Variants in TLL1 observed in about 807,000 individuals in gnomAD.
The protein encoded by TLL1 is tolloid-like protein 1.
A neutral mutation model predicts 128.2 loss-of-function variants in TLL1; 49 were observed. That is an observed-to-expected ratio of 0.38 (90% CI 0.30 to 0.48). The LOEUF is 0.48. Ranked by LOEUF, TLL1 falls within the 20% of genes least tolerant of loss-of-function variation. The pLI is 0.96. For missense variants in TLL1, 1,123 were observed against 1,242.0 expected, an observed-to-expected ratio of 0.90 and a Z score of 1.44; for synonymous variants, 454 against 418.8, an observed-to-expected ratio of 1.08 and a Z score of -1.03.
intron 9 of TLL1, among the ~76,000 whole-genome samples, chr4:166,033,063 G>A (rs1024737741): frequency 6.6e-6 from 1 of 152,028 alleles, no homozygotes; most frequent in Admixed American, 6.6e-5. Flanking sequence ...TGTAATATTG[G>A]TAAAGATAGA....
At position 166,100,846 on chromosome 4, in the gene TLL1, A is replaced by C. The variant is rs754525903; in HGVS notation, c.3012A>C (p.Arg1004Ser). ...KGFHIRYKSIRYPDTTHTKK is the reference protein window; with the variant it reads ...KGFHIRYKSISYPDTTHTKK ...TTCATATAAGATACAAAAGCATAAG[A>C]TATCCAGATACCACACATACCAAAA... Residue 1004 changes from arginine (R) to serine (S), a missense_variant, in exon 21 of 21, where the codon AGA (arginine) becomes AGC (serine). Transcript: ENST00000061240. 2 of 1,612,860 alleles carry C rather than the reference A, an allele frequency of 1.2e-6. No individual in the cohort carries two copies. The highest frequency in any genetic ancestry group is 1.7e-6 in the Non-Finnish European group (2 of 1,179,288).
At chr4:166,008,233 A>T (rs571695637) in intron 7 of TLL1, among the ~76,000 whole-genome samples, 185 bp downstream of exon 7, 1 of 151,608 alleles carries the variant, frequency 6.6e-6, no homozygotes, top group African/African-American at 2.4e-5. Flanking sequence ...TTTTAAAAAT[A>T]TATTTTTAAA....
chr4:165,954,647 A>C (rs1734691054), intron 1 of TLL1, among the ~76,000 whole-genome samples: 1 of 152,096 alleles, frequency 6.6e-6, no homozygotes, highest in Non-Finnish European at 1.5e-5. Context: ...CACACATTGC[A>C]TATGAAACCC....
chr4:165,916,317 A>G (rs1475571012), intron 1 of TLL1, among the ~76,000 whole-genome samples: 4 of 152,184 alleles, frequency 2.6e-5, no homozygotes, highest in Admixed American at 2.0e-4. Flanking sequence ...ACACACTAAT[A>G]CAGTATTTTA....
At chr4:165,925,468 G>A (rs74442178) in intron 1 of TLL1, among the ~76,000 whole-genome samples, 3,041 of 152,264 alleles carry the variant, frequency 0.02, 72 homozygotes, top group East Asian at 0.1. Flanking sequence ...ACCTGAAGAT[G>A]TGACTGATTT....
chr4:165,975,764 A>G (rs1735847858), intron 1 of TLL1, among the ~76,000 whole-genome samples: 1 of 152,088 alleles, frequency 6.6e-6, no homozygotes, highest in Non-Finnish European at 1.5e-5. Context: ...ATGACCAGGC[A>G]TGGTGGATCA....
intron 13 of TLL1, among the ~76,000 whole-genome samples, chr4:166,055,561 A>G (rs28494668): frequency 6.6e-6 from 1 of 152,102 alleles, no homozygotes; most frequent in Non-Finnish European, 1.5e-5. Context: ...ATTTGCAATG[A>G]AAATAACCAA....
chr4:166,064,510 T>C (rs1396626497), intron 15 of TLL1, among the ~76,000 whole-genome samples: 1 of 152,108 alleles, frequency 6.6e-6, no homozygotes, highest in Non-Finnish European at 1.5e-5. Context: ...CATATTCTTG[T>C]GTTCTTTAAT....
chr4:165,956,541 T>A (rs1734806911), intron 1 of TLL1, among the ~76,000 whole-genome samples: 1 of 152,080 alleles, frequency 6.6e-6, no homozygotes, highest in Non-Finnish European at 1.5e-5. Flanking sequence ...AAGTGACTTT[T>A]TTTGCCTGAC....
At chr4:165,886,048 A>ATT (rs59665511) in intron 1 of TLL1, among the ~76,000 whole-genome samples, 2 of 151,818 alleles carry the variant, frequency 1.3e-5, no homozygotes, top group South Asian at 2.1e-4. Context: ...CATTTTATGT[A>ATT]TTTTTTTGAT....
chr4:165,905,135 G>C (rs1387037676), intron 1 of TLL1, among the ~76,000 whole-genome samples: 1 of 152,132 alleles, frequency 6.6e-6, no homozygotes, highest in East Asian at 1.9e-4. Context: ...ATACAATTTT[G>C]GAAGACTATT....
intron 1 of TLL1, among the ~76,000 whole-genome samples, chr4:165,963,635 T>C (rs1735227577): frequency 6.6e-6 from 1 of 152,112 alleles, no homozygotes; most frequent in Non-Finnish European, 1.5e-5. Flanking sequence ...AGGAAAGAAA[T>C]ACACAGAATT....
At chr4:166,004,227 T>C (rs112039342) in intron 6 of TLL1, among the ~76,000 whole-genome samples, 2,048 of 152,302 alleles carry the variant, frequency 0.013, 44 homozygotes, top group African/African-American at 0.047. Context: ...AAGATCAGTA[T>C]ATTTCAGTTG....
intron 1 of TLL1, among the ~76,000 whole-genome samples, chr4:165,967,958 A>G (rs6536939): frequency 0.68 from 102,875 of 152,118 alleles, 35,208 homozygotes; most frequent in Admixed American, 0.76. Context: ...ACATAACAAC[A>G]ATACAATGCC....
intron 3 of TLL1, among the ~76,000 whole-genome samples, chr4:165,993,933 C>T (rs988246476): frequency 6.6e-6 from 1 of 152,080 alleles, no homozygotes; most frequent in African/African-American, 2.4e-5. Context: ...TAATTTTAGA[C>T]TGTACTGTGG....
intron 1 of TLL1, among the ~76,000 whole-genome samples, chr4:165,932,801 C>T (rs115468999): frequency 0.012 from 1,871 of 151,938 alleles, 40 homozygotes; most frequent in African/African-American, 0.043. Context: ...TTGATTTGAC[C>T]ATTTAAACTT....
chr4:165,950,486 T>A (rs1415781977), intron 1 of TLL1, among the ~76,000 whole-genome samples: 2 of 152,086 alleles, frequency 1.3e-5, no homozygotes, highest in Non-Finnish European at 2.9e-5. Flanking sequence ...CCTTCAAGTA[T>A]GCATGGAACA....
chr4:165,958,650 A>G (rs1305038939), intron 1 of TLL1, among the ~76,000 whole-genome samples: 12 of 138,940 alleles, frequency 8.6e-5, no homozygotes, highest in Non-Finnish European at 1.8e-4. Context: ...ATTTTCTCCC[A>G]TTTTGTAGGT....
chr4:165,886,899 G>C (rs1236605468), intron 1 of TLL1, among the ~76,000 whole-genome samples: 4 of 152,102 alleles, frequency 2.6e-5, no homozygotes, highest in African/African-American at 4.8e-5. Context: ...ATTTAAGCTG[G>C]ATCTTGAAGT....
Sources: gnomAD v4.1 joint callset for allele counts (sites outside exome capture counted in the v4.1 genomes callset) on GRCh38, gnomAD v4.1.1 for gene constraint, MANE v1.5 for transcripts, NCBI Gene and HGNC (gene_info 2026-07-23, HGNC 2026-07-21) for gene names.